COL4A2: variants seen among roughly 807,000 people sequenced by gnomAD.
The protein encoded by COL4A2 is collagen alpha-2(IV) chain.
Under a neutral mutation model 200.2 loss-of-function variants are expected in COL4A2, and 99 were observed. The observed-to-expected ratio is 0.49, with a 90% CI of 0.42 to 0.58. The LOEUF is 0.58. Ranked by LOEUF, COL4A2 falls within the 20% of genes least tolerant of loss-of-function variation. The pLI, the probability that COL4A2 is intolerant of heterozygous loss-of-function variation, is 0.00. For missense variants in COL4A2, 1,950 were observed against 2,314.1 expected (o/e 0.84, Z 3.23); for synonymous variants, 897 against 900.6 (o/e 1.00, Z 0.07).
intron 3 of COL4A2, among the ~76,000 whole-genome samples, chr13:110,354,973 A>C (rs1421224441): frequency 1.3e-5 from 2 of 152,248 alleles, no homozygotes; most frequent in African/African-American, 4.8e-5. Context: ...AGGTTCCAGC[A>C]GACCCGCTAT....
chr13:110,463,554 C>T (rs1882117689), intron 24 of COL4A2, among the ~76,000 whole-genome samples: 1 of 152,136 alleles, frequency 6.6e-6, no homozygotes, highest in African/African-American at 2.4e-5. Context: ...CTAGTTTTAA[C>T]GTGGGTCATG....
intron 3 of COL4A2, among the ~76,000 whole-genome samples, chr13:110,308,924 G>C (rs1337077670): frequency 6.6e-6 from 1 of 152,182 alleles, no homozygotes; most frequent in African/African-American, 2.4e-5. Flanking sequence ...GTTTAGACAG[G>C]AGCTGAAAGC....
intron 3 of COL4A2, among the ~76,000 whole-genome samples, chr13:110,311,832 G>A (rs559064466): frequency 5.8e-4 from 88 of 152,342 alleles, no homozygotes; most frequent in South Asian, 2.1e-3. Context: ...GTGGGTTCAC[G>A]TAGGCATCAG....
rs1884795847 is a variant in COL4A2 at position 110,307,313 on chromosome 13, G to C, written c.-260G>C. 1 of 339,908 alleles carries C rather than the reference G, an allele frequency of 2.9e-6. No homozygotes were observed. Among genetic ancestry groups the C allele is most frequent in the Admixed American group, 5.0e-5 (1 of 19,950 alleles). The allele number at this position is 339,908 out of a possible 1,614,324, so 21.1% of individuals were successfully genotyped here. On this transcript the variant is annotated 5_prime_UTR_variant, in exon 1 of 48. Coordinates refer to ENST00000360467, the MANE Select transcript of COL4A2 (RefSeq NM_001846.4). This position sits in a 1 kb window ranked among gnomAD's most constrained non-coding sequence, Gnocchi z 5.0. ...GTGGCTGCAGTGCGCCGGGACACCA[G>C]GGCTCCGCGCTCCGCACTCAAGAGG...
intron 4 of COL4A2, among the ~76,000 whole-genome samples, chr13:110,369,347 G>A (rs987610373): frequency 6.6e-6 from 1 of 152,186 alleles, no homozygotes; most frequent in Non-Finnish European, 1.5e-5. Flanking sequence ...GGCACTCAAA[G>A]GTCATCTCGT....
Position 110,424,791 on chromosome 13 carries a change from T to A in COL4A2, c.238T>A (p.Phe80Ile). Residue 80 changes from phenylalanine to isoleucine, a missense_variant, in exon 5 of 48, where the codon TTC (phenylalanine) becomes ATC (isoleucine). This residue lies in a region of COL4A2 where 565 missense variants were observed against 593.5 expected (regional missense o/e 0.95). Coordinates refer to ENST00000360467, the MANE Select transcript of COL4A2 (RefSeq NM_001846.4). ...CAATGGGCCACCAGGATTACAAGGATTCCCGGGACTGCAGGGACGTAAAGG... is the reference window on the plus strand; with the variant it reads ...CAATGGGCCACCAGGATTACAAGGAATCCCGGGACTGCAGGGACGTAAAGG... ...GYNGPPGLQG[F>I]PGLQGRKGDK... The A allele has an allele frequency of 6.2e-7, 1 of 1,612,678 alleles. No individual in the cohort carries two copies. The highest frequency in any genetic ancestry group is 8.5e-7 in the Non-Finnish European group (1 of 1,178,712).
intron 40 of COL4A2, 150 bp from the exon 41 acceptor site, chr13:110,501,518 A>G: frequency 1.8e-6 from 1 of 564,000 alleles, no homozygotes. Context: ...CAGCCCCACC[A>G]TGAGATGTTC....
At chr13:110,467,173 CTTTCCTCT>C in intron 27 of COL4A2, 77 bp downstream of exon 27, 1 of 1,581,838 alleles carries the variant, frequency 6.3e-7, no homozygotes, top group Non-Finnish European at 8.6e-7. Context: ...CCCCGCCCAT[CTTTCCTCT>C]GGTCCTGCAT....
intron 3 of COL4A2, among the ~76,000 whole-genome samples, chr13:110,343,781 G>T (rs1337784882): frequency 1.3e-5 from 2 of 152,178 alleles, no homozygotes; most frequent in Non-Finnish European, 2.9e-5. Flanking sequence ...AGGATTCCTG[G>T]ATCTCTTTCA....
chr13:110,437,524 G>A (rs117589195), intron 13 of COL4A2, among the ~76,000 whole-genome samples: 11 of 152,338 alleles, frequency 7.2e-5, no homozygotes, highest in South Asian at 2.1e-4. Context: ...TGGGAAAAAC[G>A]TAGATCATGT....
At chr13:110,507,716 T>C (rs1041502384) in intron 46 of COL4A2, 1 of 596,018 alleles carries the variant, frequency 1.7e-6, no homozygotes, top group Admixed American at 3.0e-5. Context: ...TGAGAACTTG[T>C]AGAAGAACAG....
intron 32 of COL4A2, among the ~76,000 whole-genome samples, chr13:110,483,514 T>C (rs1234197603): frequency 6.6e-6 from 1 of 152,232 alleles, no homozygotes; most frequent in African/African-American, 2.4e-5. Context: ...GACTGATGAA[T>C]GGATGAGTAA....
chr13:110,385,859 T>C (rs1265813099), intron 4 of COL4A2, among the ~76,000 whole-genome samples: 1 of 135,968 alleles, frequency 7.4e-6, no homozygotes, highest in Admixed American at 7.5e-5. Flanking sequence ...AGGCCGTGGT[T>C]GCAGCGTGTG....
chr13:110,465,726 C>G, intron 25 of COL4A2, 120 bp downstream of exon 25: 2 of 1,005,690 alleles, frequency 2.0e-6, no homozygotes, highest in South Asian at 3.4e-5. Flanking sequence ...CATCTGTTCT[C>G]GCACGTACAA....
chr13:110,430,739 A>T (rs1323965776), intron 10 of COL4A2, 132 bp downstream of exon 10: 1 of 1,248,234 alleles, frequency 8.0e-7, no homozygotes, highest in South Asian at 1.2e-5. Flanking sequence ...GTAGCAGAGA[A>T]CATCAAGACA....
intron 3 of COL4A2, among the ~76,000 whole-genome samples, chr13:110,325,737 G>A (rs1885389734): frequency 6.6e-6 from 1 of 152,070 alleles, no homozygotes; most frequent in South Asian, 2.1e-4. Flanking sequence ...CATTGTCAAG[G>A]AGGAGAAACA....
chr13:110,385,945 G>A (rs368777016), intron 4 of COL4A2, among the ~76,000 whole-genome samples: 265 of 20,898 alleles, frequency 0.013, 72 homozygotes, highest in East Asian at 0.076. Context: ...GCGTGTGGAT[G>A]GGCCGTGGTC....
chr13:110,358,707 C>T lies in COL4A2; in HGVS notation c.180+1155C>T, dbSNP rs572919560. Among the ~76,000 whole-genome samples the T allele has an allele frequency of 4.6e-5, 7 of 152,246 alleles. No homozygotes were observed. The East Asian group carries it at 1.2e-3, about 25-fold the overall frequency. On this transcript the variant is annotated intron_variant, in intron 4 of 47. Transcript: ENST00000360467. The stretch of plus-strand genomic sequence containing the variant: ...TGTTGTTGACCAAAAAGTCATGATG[C>T]GGTGCCTGATTGTACTTCCATTTGA...
intron 3 of COL4A2, among the ~76,000 whole-genome samples, chr13:110,332,228 T>C (rs933972757): frequency 1.3e-5 from 2 of 152,230 alleles, no homozygotes; most frequent in African/African-American, 2.4e-5. Flanking sequence ...ATACATTAAG[T>C]AGACTTCACC....
Sources: gnomAD v4.1 joint callset for allele counts (sites outside exome capture counted in the v4.1 genomes callset) on GRCh38, gnomAD v4.1.1 for gene constraint, gnomAD v4.1.1 regional missense constraint, Gnocchi (gnomAD v3.1) non-coding constraint, MANE v1.5 for transcripts, NCBI Gene and HGNC (gene_info 2026-07-23, HGNC 2026-07-21) for gene names.